Variants in SKIL observed in about 807,000 individuals in gnomAD.
The protein encoded by SKIL is ski-like protein.
SKIL carries 20 observed loss-of-function variants against 69.6 expected under a neutral mutation model. That is an observed-to-expected ratio of 0.29 (90% CI 0.20 to 0.42). SKIL has a LOEUF of 0.42. Among genes scored for constraint, SKIL ranks in the 10% least tolerant of loss-of-function variants. SKIL has a pLI of 1.00. For missense variants in SKIL, 745 were observed against 783.1 expected, an observed-to-expected ratio of 0.95 and a Z score of 0.58; for synonymous variants, 310 against 279.9, an observed-to-expected ratio of 1.11 and a Z score of -1.08.
At chr3:170,365,117 C>T (rs1285341229) in intron 2 of SKIL, among the ~76,000 whole-genome samples, 2 of 151,992 alleles carry the variant, frequency 1.3e-5, no homozygotes, top group East Asian at 3.8e-4. Context: ...GTACTCAGAA[C>T]ATTGTGAAGT....
In SKIL at chr3:170,376,603, T is replaced by C. The variant is rs571772182; in HGVS notation, c.1099-4641T>C. Among the ~76,000 whole-genome samples the C allele has an allele frequency of 2.6e-5, 4 of 152,200 alleles. No homozygotes were observed. The South Asian group carries it at 6.2e-4, about 24-fold the overall frequency. The stretch of plus-strand genomic sequence containing the variant: ...TTTTTATTTTTTTAACGAGACAGGG[T>C]CTGGCTCTGTCACCCAGGCTGGAGT... On this transcript the variant is annotated intron_variant, in intron 2 of 6. Transcript: ENST00000259119.
chr3:170,374,297 C>G (rs1331007661), intron 2 of SKIL, among the ~76,000 whole-genome samples: 2 of 151,862 alleles, frequency 1.3e-5, no homozygotes, highest in Non-Finnish European at 2.9e-5. Flanking sequence ...ATTTTTGTGT[C>G]TGAAATTTTG....
intron 4 of SKIL, among the ~76,000 whole-genome samples, chr3:170,389,609 T>C (rs919715444): frequency 4.6e-5 from 7 of 152,136 alleles, no homozygotes; most frequent in Admixed American, 3.9e-4. Context: ...CCACCGCGCC[T>C]GGCCAGAAAA....
intron 4 of SKIL, among the ~76,000 whole-genome samples, chr3:170,387,522 C>T (rs989142362): frequency 9.3e-6 from 1 of 107,780 alleles, no homozygotes; most frequent in African/African-American, 2.6e-5. Flanking sequence ...TGTACCAGTA[C>T]TTCTTTTTAT....
At chr3:170,383,456 C>G (rs904676734) in intron 3 of SKIL, among the ~76,000 whole-genome samples, 5 of 152,120 alleles carry the variant, frequency 3.3e-5, no homozygotes, top group Non-Finnish European at 7.3e-5. Context: ...CATCTTTTTG[C>G]TAAGTGTTAC....
chr3:170,376,778 G>T (rs1044980890), intron 2 of SKIL, among the ~76,000 whole-genome samples: 1 of 151,904 alleles, frequency 6.6e-6, no homozygotes, highest in East Asian at 2.0e-4. Context: ...GTTTTGCCTT[G>T]TTGCCCAGGC....
intron 2 of SKIL, among the ~76,000 whole-genome samples, chr3:170,371,503 T>C (rs1362228934): frequency 1.3e-5 from 2 of 151,982 alleles, no homozygotes; most frequent in Admixed American, 6.6e-5. Flanking sequence ...TGAGACTCTG[T>C]CTCAAAAAAA....
At chr3:170,377,903 T>C (rs910691151) in intron 2 of SKIL, among the ~76,000 whole-genome samples, 3 of 150,136 alleles carry the variant, frequency 2.0e-5, no homozygotes, top group Admixed American at 6.7e-5. Context: ...TTTTTCTTTT[T>C]TTATTTTTGA....
intron 3 of SKIL, among the ~76,000 whole-genome samples, chr3:170,383,064 C>G (rs1412563783): frequency 2.0e-5 from 3 of 152,122 alleles, no homozygotes; most frequent in African/African-American, 4.8e-5. Context: ...AAACTAAGAG[C>G]TTTCTTAATA....
intron 3 of SKIL, among the ~76,000 whole-genome samples, 180 bp from the exon 4 acceptor site, chr3:170,384,353 C>G (rs1360664467): frequency 6.6e-6 from 1 of 151,698 alleles, no homozygotes; most frequent in Non-Finnish European, 1.5e-5. Context: ...TTTGTAATGC[C>G]TAAAGTGTTG....
At chr3:170,376,538 A>G (rs1247020223) in intron 2 of SKIL, among the ~76,000 whole-genome samples, 1 of 152,194 alleles carries the variant, frequency 6.6e-6, no homozygotes, top group Non-Finnish European at 1.5e-5. Flanking sequence ...TCTAAGTGGT[A>G]TACAGAACAT....
intron 2 of SKIL, among the ~76,000 whole-genome samples, 159 bp downstream of exon 2, chr3:170,361,588 G>T (rs1296524188): frequency 1.3e-5 from 2 of 152,180 alleles, no homozygotes; most frequent in African/African-American, 4.8e-5. Context: ...AGGCCATAAA[G>T]TGCTTTGCAG....
At position 170,385,909 on chromosome 3, in the gene SKIL, C is replaced by T. The variant is rs556914982; in HGVS notation, c.1429+1144C>T. 1.5e-3 allele frequency among the ~76,000 whole-genome samples: 231 copies of T among 151,908 alleles called. 1 individual carries two copies. The highest frequency in any genetic ancestry group is 5.4e-3 in the African/African-American group (224 of 41,418). On this transcript the variant is annotated intron_variant, in intron 4 of 6. Coordinates refer to ENST00000259119, the MANE Select transcript of SKIL (RefSeq NM_005414.5). ...CTCCACCTCCCAGATTCTCCTGCCT[C>T]AGCCTCCTGAGTAGCTGAGATTACA... is the stretch of plus-strand genomic sequence containing the variant.
intron 3 of SKIL, 152 bp downstream of exon 3, chr3:170,381,493 C>A (rs570602475): frequency 1.8e-6 from 1 of 554,168 alleles, no homozygotes; most frequent in African/African-American, 1.9e-5. Flanking sequence ...AGTGCAGTGG[C>A]GCGATCTCGT....
rs1390654448 is a variant in SKIL at position 170,392,893 on chromosome 3, C to T, written c.*476C>T. 6.6e-6 allele frequency: 1 copy of T among 152,362 alleles called. No homozygotes were observed. Among genetic ancestry groups the T allele is most frequent in the Admixed American group, 6.5e-5 (1 of 15,280 alleles). 9.4% of individuals were successfully genotyped at this position (152,362 alleles called of 1,614,324 possible). ...AATTTTTCTAAGTTGATATGGTGTA[C>T]TCATTAACATACACCAAATTTACTT... On this transcript the variant is annotated 3_prime_UTR_variant, in exon 7 of 7. Coordinates refer to ENST00000259119, the MANE Select transcript of SKIL (RefSeq NM_005414.5).
In SKIL at chr3:170,393,761, C is replaced by T. The variant is rs1007398723; in HGVS notation, c.*1344C>T. 2 of 151,972 alleles carry T rather than the reference C, an allele frequency of 1.3e-5. No individual in the cohort carries two copies. Among genetic ancestry groups the T allele is most frequent in the African/African-American group, 4.8e-5 (2 of 41,376 alleles). The allele number at this position is 151,972 out of a possible 1,614,324, so 9.4% of individuals were successfully genotyped here. On this transcript the variant is annotated 3_prime_UTR_variant, in exon 7 of 7. Coordinates refer to ENST00000259119, the MANE Select transcript of SKIL (RefSeq NM_005414.5). ...TGGGATAATAAATGTTTTTCATGTTCTCTTATAAGATACTATGTATGAAAT... is the reference window on the plus strand; with the variant it reads ...TGGGATAATAAATGTTTTTCATGTTTTCTTATAAGATACTATGTATGAAAT...
At position 170,396,156 on chromosome 3, in the gene SKIL, T is replaced by A. The variant is rs762610253; in HGVS notation, c.*3739T>A. ...AAAGTGATCAAATGTAAGAAAAAAA[T>A]TTAAAAATTCAGCCCAGAAAACAAA... On this transcript the variant is annotated 3_prime_UTR_variant, in exon 7 of 7. Transcript: ENST00000259119. 43 of 151,884 alleles carry A rather than the reference T, an allele frequency of 2.8e-4. No individual in the cohort carries two copies. The highest frequency in any genetic ancestry group is 2.9e-4 in the Non-Finnish European group (20 of 67,926). The allele number at this position is 151,884 out of a possible 1,614,324, so 9.4% of individuals were successfully genotyped here. A position where few individuals can be genotyped will look rare whatever the true frequency, so the allele number is the denominator to read the frequency against.
chr3:170,381,576 G>A (rs1737354177), intron 3 of SKIL, among the ~76,000 whole-genome samples: 1 of 151,844 alleles, frequency 6.6e-6, no homozygotes, highest in Non-Finnish European at 1.5e-5. Flanking sequence ...GGGACTACAG[G>A]CTCACACCAC....
chr3:170,360,135 G>T lies in SKIL; in HGVS notation c.-197G>T. On this transcript the variant is annotated 5_prime_UTR_variant, in exon 2 of 7. Transcript: ENST00000259119. The stretch of plus-strand genomic sequence containing the variant: ...CAAAACGAACAATTTTATAGGATTT[G>T]TAGTGAAATTATACCAGATTATAAG... 2.0e-6 allele frequency: 1 copy of T among 493,350 alleles called. No individual in the cohort carries two copies. 30.6% of individuals were successfully genotyped at this position (493,350 alleles called of 1,614,324 possible). A position where few individuals can be genotyped will look rare whatever the true frequency, so the allele number is the denominator to read the frequency against.
Sources: allele counts gnomAD v4.1 joint callset (sites outside exome capture counted in the v4.1 genomes callset), GRCh38; gene constraint gnomAD v4.1.1; transcripts MANE v1.5; gene names NCBI Gene and HGNC (gene_info 2026-07-23, HGNC 2026-07-21).